CACNG2: variants seen among roughly 807,000 people sequenced by gnomAD.
The protein encoded by CACNG2 is calcium voltage-gated channel auxiliary subunit gamma 2, also known as voltage-dependent calcium channel gamma-2 subunit.
Under a neutral mutation model 25.9 loss-of-function variants are expected in CACNG2, and 3 were observed. The observed-to-expected ratio is 0.12, with a 90% CI of 0.05 to 0.30. CACNG2 has a LOEUF of 0.30. Among genes scored for constraint, CACNG2 ranks in the 10% least tolerant of loss-of-function variants. The pLI, the probability that CACNG2 is intolerant of heterozygous loss-of-function variation, is 1.00. For missense variants in CACNG2, 341 were observed against 432.5 expected (o/e 0.79, Z 1.88); for synonymous variants, 167 against 173.3 (o/e 0.96, Z 0.29).
intron 1 of CACNG2, among the ~76,000 whole-genome samples, chr22:36,633,181 C>G (rs777408477): frequency 2.0e-5 from 3 of 152,100 alleles, no homozygotes; most frequent in Admixed American, 6.5e-5. Context: ...CTTCAAAGCA[C>G]GCATCAACAC....
intron 1 of CACNG2, among the ~76,000 whole-genome samples, chr22:36,664,662 G>A (rs760826224): frequency 1.3e-5 from 2 of 152,168 alleles, no homozygotes; most frequent in Non-Finnish European, 2.9e-5. Flanking sequence ...TAACAAACCC[G>A]AGCTGAGAGC....
chr22:36,647,331 C>T (rs964774200), intron 1 of CACNG2, among the ~76,000 whole-genome samples: 1 of 152,138 alleles, frequency 6.6e-6, no homozygotes, highest in Admixed American at 6.5e-5. Context: ...TGCGGTGGCT[C>T]ACACCTGTAA....
chr22:36,604,130 T>A (rs962673980), intron 1 of CACNG2, among the ~76,000 whole-genome samples: 1 of 152,208 alleles, frequency 6.6e-6, no homozygotes, highest in Non-Finnish European at 1.5e-5. Context: ...GTTCCAACCC[T>A]TATAGATGAC....
At position 36,564,468 on chromosome 22, in the gene CACNG2, G is replaced by T; in HGVS notation, c.855C>A (p.Thr285=). ...TATCCCTGTCGGAGTTGTAGGTGGC[G>T]GTGGGCGTGGTGGCGGCCTTCAGGG... ...RDPLKAATTP[T]ATYNSDRDNS... Residue 285 remains threonine, a synonymous_variant, in exon 4 of 4, where the codon ACC becomes ACA. Coordinates refer to ENST00000300105, the MANE Select transcript of CACNG2 (RefSeq NM_006078.5). This position sits in a 1 kb window ranked among gnomAD's most constrained non-coding sequence, Gnocchi z 6.7. 6.2e-7 allele frequency: 1 copy of T among 1,614,110 alleles called. No homozygotes were observed. The highest frequency in any genetic ancestry group is 8.5e-7 in the Non-Finnish European group (1 of 1,179,990).
chr22:36,578,412 G>A (rs957475057), intron 2 of CACNG2, among the ~76,000 whole-genome samples: 3 of 151,534 alleles, frequency 2.0e-5, no homozygotes, highest in African/African-American at 4.9e-5. Flanking sequence ...AACTCTAGGC[G>A]GGTGAAGCCT....
intron 1 of CACNG2, among the ~76,000 whole-genome samples, chr22:36,610,095 G>A (rs574683267): frequency 3.3e-5 from 5 of 150,652 alleles, no homozygotes; most frequent in African/African-American, 1.2e-4. Context: ...GTCCCCCAGT[G>A]TGTGATCAGG....
intron 1 of CACNG2, among the ~76,000 whole-genome samples, chr22:36,592,012 G>A (rs913415872): frequency 6.6e-6 from 1 of 152,112 alleles, no homozygotes; most frequent in Non-Finnish European, 1.5e-5. Context: ...AAGTGTGTGT[G>A]TCAGTGGCTT....
intron 1 of CACNG2, among the ~76,000 whole-genome samples, chr22:36,614,172 T>G (rs1372279711): frequency 6.6e-6 from 1 of 152,150 alleles, no homozygotes; most frequent in African/African-American, 2.4e-5. Context: ...CGACAGCTGC[T>G]TTGATCTTCA....
chr22:36,648,383 G>A (rs1418002129), intron 1 of CACNG2, among the ~76,000 whole-genome samples: 1 of 152,182 alleles, frequency 6.6e-6, no homozygotes, highest in Non-Finnish European at 1.5e-5. Flanking sequence ...AATTCAACGT[G>A]GTAGGTCCTA....
rs918938218 is a variant in CACNG2, at chr22:36,606,529, A to G, written c.212-18981T>C. On this transcript the variant is annotated intron_variant, in intron 1 of 3. Coordinates refer to ENST00000300105, the MANE Select transcript of CACNG2 (RefSeq NM_006078.5). This position sits in a 1 kb window ranked among gnomAD's most constrained non-coding sequence, Gnocchi z 5.7. ...TACAGCACAGTACAGGATGCTGGGT[A>G]GTAGGGACAGTGCATGGCATAATCT... Among the ~76,000 whole-genome samples the G allele has an allele frequency of 1.8e-4, 27 of 152,050 alleles. No homozygotes were observed. Among genetic ancestry groups the G allele is most frequent in the African/African-American group, 6.3e-4 (26 of 41,380 alleles).
chr22:36,646,631 C>T (rs577079797), intron 1 of CACNG2, among the ~76,000 whole-genome samples: 22 of 151,894 alleles, frequency 1.4e-4, no homozygotes, highest in South Asian at 6.2e-4. Context: ...TTTTCTTATT[C>T]CTCAACAGAC....
intron 1 of CACNG2, among the ~76,000 whole-genome samples, chr22:36,685,981 A>G (rs1193998139): frequency 6.6e-6 from 1 of 152,234 alleles, no homozygotes; most frequent in African/African-American, 2.4e-5. Context: ...ACAGCCGGTC[A>G]CAGAGGTAAA....
At chr22:36,593,121 C>A (rs545542484) in intron 1 of CACNG2, among the ~76,000 whole-genome samples, 13 of 152,294 alleles carry the variant, frequency 8.5e-5, no homozygotes, top group African/African-American at 3.1e-4. Context: ...TTCTCTCTGC[C>A]CCGCCCAATG....
chr22:36,621,400 T>C (rs948655991), intron 1 of CACNG2, among the ~76,000 whole-genome samples: 1 of 151,884 alleles, frequency 6.6e-6, no homozygotes, highest in Non-Finnish European at 1.5e-5. Context: ...CGAAACCTCA[T>C]CTCTACTAAA....
chr22:36,600,153 G>A (rs1365536276), intron 1 of CACNG2, among the ~76,000 whole-genome samples: 3 of 152,220 alleles, frequency 2.0e-5, no homozygotes, highest in Admixed American at 6.5e-5. Flanking sequence ...AAGGGTATCT[G>A]AGCCACACTC....
At chr22:36,582,872 C>T (rs185193394) in intron 2 of CACNG2, among the ~76,000 whole-genome samples, 202 of 152,090 alleles carry the variant, frequency 1.3e-3, no homozygotes, top group African/African-American at 4.7e-3. Flanking sequence ...AACCTCAGTA[C>T]CTCAAAGAGG....
chr22:36,679,955 C>T (rs116062244), intron 1 of CACNG2, among the ~76,000 whole-genome samples: 1 of 152,144 alleles, frequency 6.6e-6, no homozygotes, highest in African/African-American at 2.4e-5. Flanking sequence ...TTCATCATCA[C>T]CACCTGCATC....
intron 1 of CACNG2, among the ~76,000 whole-genome samples, chr22:36,604,710 T>C (rs1163116818): frequency 1.3e-5 from 2 of 152,246 alleles, no homozygotes; most frequent in Non-Finnish European, 2.9e-5. Flanking sequence ...TATGTTAAAA[T>C]TATGTATGTA....
chr22:36,564,581 G>A lies in CACNG2; in HGVS notation c.742C>T (p.His248Tyr). ...RSSSRSTEPS[H>Y]SRDASPVGIK... ...CCCACGGGGGAGGCGTCCCTGGAGT[G>A]TGAGGGCTCCGTGGAGCGCGAGCTG... Residue 248 changes from histidine (H) to tyrosine (Y), a missense_variant, in exon 4 of 4, where the codon CAC (histidine) becomes TAC (tyrosine). Coordinates refer to ENST00000300105, the MANE Select transcript of CACNG2 (RefSeq NM_006078.5). The surrounding 1 kb of genome is among the most constrained non-coding windows in gnomAD (Gnocchi z 6.7). 6.2e-7 allele frequency: 1 copy of A among 1,614,060 alleles called. No individual in the cohort carries two copies. The highest frequency in any genetic ancestry group is 8.5e-7 in the Non-Finnish European group (1 of 1,179,962).
Sources: allele counts gnomAD v4.1 joint callset (sites outside exome capture counted in the v4.1 genomes callset), GRCh38; gene constraint gnomAD v4.1.1; non-coding constraint Gnocchi (gnomAD v3.1); transcripts MANE v1.5; gene names NCBI Gene and HGNC (gene_info 2026-07-23, HGNC 2026-07-21).